GCGR: variants seen among roughly 807,000 people sequenced by gnomAD.
GCGR encodes glucagon receptor.
Under a neutral mutation model 56.1 loss-of-function variants are expected in GCGR, and 41 were observed. That is an observed-to-expected ratio of 0.73 (90% CI 0.57 to 0.95). The LOEUF (loss-of-function observed/expected upper bound fraction) is 0.95, where lower values mean the gene tolerates loss of function less well. Ranked by LOEUF, GCGR falls within the 40% of genes least tolerant of loss-of-function variation. The probability of loss-of-function intolerance (pLI) is 0.00; values close to 1 mark genes in which losing one functional copy is unlikely to be tolerated. For synonymous variants in GCGR, 278 were observed against 271.1 expected, an observed-to-expected ratio of 1.03 and a Z score of -0.25; for missense variants, 595 against 638.2, an observed-to-expected ratio of 0.93 and a Z score of 0.73.
rs761411993 is a variant in GCGR, at chr17:81,809,048, G to A, written c.30G>A (p.Leu10=). MPPCQPQRP[L]LLLLLLLACQ... ...CCCCCTGCCAGCCACAGCGACCCCTGCTGCTGTTGCTGCTGCTGCTGGCCT... is the reference window on the plus strand; with the variant it reads ...CCCCCTGCCAGCCACAGCGACCCCTACTGCTGTTGCTGCTGCTGCTGGCCT... The change falls in exon 2 of 14, where the codon CTG becomes CTA. Residue 10 remains leucine, a synonymous_variant. Coordinates refer to ENST00000400723, the MANE Select transcript of GCGR (RefSeq NM_000160.5). 10 of 1,536,024 alleles carry A rather than the reference G, an allele frequency of 6.5e-6. No individual in the cohort carries two copies. The highest frequency in any genetic ancestry group is 8.7e-6 in the Non-Finnish European group (10 of 1,146,898).
intron 1 of GCGR, chr17:81,805,180 C>G (rs1051426291): frequency 2.6e-5 from 4 of 152,324 alleles, no homozygotes; most frequent in African/African-American, 4.8e-5. Flanking sequence ...CTGGGAGCCC[C>G]GCTGCCTTCC....
chr17:81,808,811 G>A (rs2038014104), intron 1 of GCGR, 31 bp from the exon 2 acceptor site: 4 of 620,158 alleles, frequency 6.4e-6, no homozygotes, highest in Non-Finnish European at 1.1e-5. Flanking sequence ...GAGCCGCCGC[G>A]CCCGGCCCCC....
rs568842987 is a variant in GCGR at position 81,810,748 on chromosome 17, G to GGA, written c.164-71_164-70dup. The GGA allele has an allele frequency of 1.7e-4, 234 of 1,350,752 alleles. No homozygotes were observed. In the African/African-American group the frequency reaches 3.1e-3, roughly 18 times the overall value. The allele number at this position is 1,350,752 out of a possible 1,614,324, so 83.7% of individuals were successfully genotyped here. On this transcript the variant is annotated intron_variant, in intron 3 of 13. Transcript: ENST00000400723. This position sits in a 1 kb window ranked among gnomAD's most constrained non-coding sequence, Gnocchi z 4.6. ...GGCCGAGCTCAGGCTTCCAGAGAGA[G>GGA]GAGAGAGGCCTGCTGAGGGAGCCCC...
intron 1 of GCGR, among the ~76,000 whole-genome samples, chr17:81,808,579 G>T (rs2038008817): frequency 6.7e-6 from 1 of 150,308 alleles, no homozygotes; most frequent in African/African-American, 2.5e-5. Flanking sequence ...GACTGCAATG[G>T]CTTGATCTCC....
At chr17:81,807,605 C>G (rs1010469685) in intron 1 of GCGR, among the ~76,000 whole-genome samples, 1 of 152,268 alleles carries the variant, frequency 6.6e-6, no homozygotes, top group Non-Finnish European at 1.5e-5. Flanking sequence ...CTGGCACTGC[C>G]TTCCAGCTGG....
chr17:81,808,613 G>A (rs999988309), intron 1 of GCGR, among the ~76,000 whole-genome samples: 5 of 149,522 alleles, frequency 3.3e-5, no homozygotes, highest in Non-Finnish European at 7.4e-5. Flanking sequence ...TCTGCCTCCC[G>A]GGTTCACGCC....
intron 1 of GCGR, among the ~76,000 whole-genome samples, chr17:81,808,261 C>T (rs1234799245): frequency 6.6e-6 from 1 of 152,236 alleles, no homozygotes. Context: ...TCAGGTCAGC[C>T]TGGCAAGCCA....
In GCGR at chr17:81,809,787, G is replaced by A; in HGVS notation, c.66G>A (p.Gln22=). Residue 22 remains glutamine, a synonymous_variant, in exon 3 of 14, where the codon CAG becomes CAA. Coordinates refer to ENST00000400723, the MANE Select transcript of GCGR (RefSeq NM_000160.5). ...LLLLLLACQP[Q]VPSAQVMDFL... is the part of the protein sequence containing the mutation. ...CTTGTGCATGTGTCCCCCAGCCACA[G>A]GTCCCCTCCGCTCAGGTGATGGACT... 4 of 1,535,966 alleles carry A rather than the reference G, an allele frequency of 2.6e-6. No individual in the cohort carries two copies. The highest frequency in any genetic ancestry group is 3.5e-6 in the Non-Finnish European group (4 of 1,146,416).
In GCGR at chr17:81,811,436, C is replaced by A; in HGVS notation, c.533C>A (p.Ala178Glu). 6.5e-7 allele frequency: 1 copy of A among 1,536,568 alleles called. No homozygotes were observed. ...CACTGCACCCGCAATGCCATCCACG[C>A]GAATCTGTTTGCGTCCTTCGTGCTG... ...KLHCTRNAIH[A>E]NLFASFVLKA... Residue 178 changes from alanine to glutamate, a missense_variant, in exon 7 of 14, where the codon GCG (alanine) becomes GAG (glutamate). Ala to Glu is a moderately radical substitution (Grantham distance 107). Coordinates refer to ENST00000400723, the MANE Select transcript of GCGR (RefSeq NM_000160.5). This position sits in a 1 kb window ranked among gnomAD's most constrained non-coding sequence, Gnocchi z 5.8.
rs1397705954 is a variant in GCGR at position 81,813,324 on chromosome 17, G to A, written c.1219-150G>A. The A allele has an allele frequency of 2.5e-5, 22 of 886,652 alleles. No individual in the cohort carries two copies. The highest frequency in any genetic ancestry group is 6.9e-6 in the Non-Finnish European group (4 of 583,594). 54.9% of individuals were successfully genotyped at this position (886,652 alleles called of 1,614,324 possible). The stretch of plus-strand genomic sequence containing the variant: ...AGACTGCTTTCCGTGGCGATGCTGG[G>A]TGGCATAGCTGTGCCCAGCAGGGAG... On this transcript the variant is annotated intron_variant, in intron 13 of 13. Coordinates refer to ENST00000400723, the MANE Select transcript of GCGR (RefSeq NM_000160.5). This position sits in a 1 kb window ranked among gnomAD's most constrained non-coding sequence, Gnocchi z 5.3.
chr17:81,813,526 T>C lies in GCGR; in HGVS notation c.1271T>C (p.Leu424Pro), dbSNP rs1487455874. 11 of 1,535,882 alleles carry C rather than the reference T, an allele frequency of 7.2e-6. No homozygotes were observed. Among genetic ancestry groups the C allele is most frequent in the East Asian group, 4.9e-5 (2 of 40,910 alleles). The change falls in exon 14 of 14, where the codon CTA (leucine) becomes CCA (proline). Residue 424 changes from leucine to proline, a missense_variant. Physicochemically the swap from Leu to Pro is moderately conservative, Grantham distance 98 (BLOSUM62 -3). Transcript: ENST00000400723. The surrounding 1 kb of genome is among the most constrained non-coding windows in gnomAD (Gnocchi z 5.3). ...CACCGCTGGCGCCTGGGCAAAGTGC[T>C]ATGGGAGGAGCGGAACACCAGCAAC... is the stretch of plus-strand genomic sequence containing the variant. ...RWHRWRLGKVLWEERNTSNHR... is the reference protein window; with the variant it reads ...RWHRWRLGKVPWEERNTSNHR...
In GCGR at chr17:81,813,638, G is replaced by T; in HGVS notation, c.1383G>T (p.Ala461=). 1 of 1,536,328 alleles carries T rather than the reference G, an allele frequency of 6.5e-7. No individual in the cohort carries two copies. The highest frequency in any genetic ancestry group is 1.4e-5 in the African/African-American group (1 of 73,126). The part of the protein sequence containing the change: ...GRGGGSQDSS[A]ETPLAGGLPR... ...GTGGTGGCAGCCAGGATTCATCTGC[G>T]GAGACCCCCTTGGCTGGTGGCCTCC... Residue 461 remains alanine, a synonymous_variant, in exon 14 of 14, where the codon GCG becomes GCT. Coordinates refer to ENST00000400723, the MANE Select transcript of GCGR (RefSeq NM_000160.5). The surrounding 1 kb of genome is among the most constrained non-coding windows in gnomAD (Gnocchi z 5.3).
chr17:81,811,576 C>G lies in GCGR; in HGVS notation c.657+16C>G, dbSNP rs867827368. 9.8e-6 allele frequency: 15 copies of G among 1,536,130 alleles called. No individual in the cohort carries two copies. The East Asian group carries it at 2.9e-4, about 30-fold the overall frequency. ...CAGTGATGGAGTGAGCCCCCCTCGG[C>G]GGCCCCAGGCAGGTGGGTGGGTGGG... On this transcript the variant is annotated intron_variant, in intron 7 of 13. Coordinates refer to ENST00000400723, the MANE Select transcript of GCGR (RefSeq NM_000160.5). The surrounding 1 kb of genome is among the most constrained non-coding windows in gnomAD (Gnocchi z 5.8).
At position 81,811,467 on chromosome 17, in the gene GCGR, C is replaced by T. The variant is rs917615142; in HGVS notation, c.564C>T (p.Ala188=). The T allele has an allele frequency of 3.3e-6, 5 of 1,536,554 alleles. No individual in the cohort carries two copies. Among genetic ancestry groups the T allele is most frequent in the Non-Finnish European group, 4.4e-6 (5 of 1,146,870 alleles). Residue 188 remains alanine, a synonymous_variant, in exon 7 of 14, where the codon GCC becomes GCT. Transcript: ENST00000400723. This position sits in a 1 kb window ranked among gnomAD's most constrained non-coding sequence, Gnocchi z 5.8. ...ANLFASFVLK[A]SSVLVIDGLL... ...TGTTTGCGTCCTTCGTGCTGAAAGC[C>T]AGCTCCGTGCTGGTCATTGATGGGC...
intron 1 of GCGR, among the ~76,000 whole-genome samples, chr17:81,807,067 C>G (rs2037980204): frequency 6.6e-6 from 1 of 152,104 alleles, no homozygotes; most frequent in Non-Finnish European, 1.5e-5. Context: ...GCCGGAGCCG[C>G]CCAGGACAGT....
intron 1 of GCGR, among the ~76,000 whole-genome samples, chr17:81,807,566 ATCTCCTTGCCCC>A (rs1372432083): frequency 6.6e-6 from 1 of 152,092 alleles, no homozygotes; most frequent in African/African-American, 2.4e-5. Flanking sequence ...GCCTTCGCCC[ATCTCCTTGCCCC>A]TCTCCCCGGC....
chr17:81,810,810 T>C lies in GCGR; in HGVS notation c.164-15T>C. 1 of 1,480,598 alleles carries C rather than the reference T, an allele frequency of 6.8e-7. No homozygotes were observed. The highest frequency in any genetic ancestry group is 9.0e-7 in the Non-Finnish European group (1 of 1,105,874). 91.7% of individuals were successfully genotyped at this position (1,480,598 alleles called of 1,614,324 possible). On this transcript the variant is annotated splice_polypyrimidine_tract_variant and intron_variant, in intron 3 of 13. Transcript: ENST00000400723. The surrounding 1 kb of genome is among the most constrained non-coding windows in gnomAD (Gnocchi z 4.6). ...TGCCCTGCCCTGCTCTGCCCTGCCC[T>C]ACCCTACCCTGCAGAGCTGGTGTGC...
chr17:81,812,747 C>G lies in GCGR; in HGVS notation c.1038-60C>G. 6.5e-7 allele frequency: 1 copy of G among 1,532,226 alleles called. No homozygotes were observed. The highest frequency in any genetic ancestry group is 8.7e-7 in the Non-Finnish European group (1 of 1,143,996). The allele number at this position is 1,532,226 out of a possible 1,614,324, so 94.9% of individuals were successfully genotyped here. On this transcript the variant is annotated intron_variant, in intron 11 of 13. Coordinates refer to ENST00000400723, the MANE Select transcript of GCGR (RefSeq NM_000160.5). This position sits in a 1 kb window ranked among gnomAD's most constrained non-coding sequence, Gnocchi z 8.5. ...AGCTGGGGGTGGGGACTCCAAGCTC[C>G]ACGTGGATGGTGCGGGCCGAGGGTG... is the stretch of plus-strand genomic sequence containing the variant.
chr17:81,809,060 G>T lies in GCGR; in HGVS notation c.42G>T (p.Leu14=). The change falls in exon 2 of 14, where the codon CTG becomes CTT. Residue 14 remains leucine, a synonymous_variant. Coordinates refer to ENST00000400723, the MANE Select transcript of GCGR (RefSeq NM_000160.5). The stretch of plus-strand genomic sequence containing the variant: ...CACAGCGACCCCTGCTGCTGTTGCT[G>T]CTGCTGCTGGCCTGCCAGGTGAGGA... ...CQPQRPLLLL[L]LLLACQPQVP... is the part of the protein sequence containing the mutation. 1 of 1,536,132 alleles carries T rather than the reference G, an allele frequency of 6.5e-7. No individual in the cohort carries two copies. The highest frequency in any genetic ancestry group is 8.7e-7 in the Non-Finnish European group (1 of 1,146,878).
Sources: gnomAD v4.1 joint callset for allele counts (sites outside exome capture counted in the v4.1 genomes callset) on GRCh38, gnomAD v4.1.1 for gene constraint, Gnocchi (gnomAD v3.1) non-coding constraint, MANE v1.5 for transcripts, NCBI Gene and HGNC (gene_info 2026-07-23, HGNC 2026-07-21) for gene names.